Variants in NCBP3 observed in about 807,000 individuals in gnomAD.
NCBP3 encodes the protein nuclear cap-binding protein subunit 3.
A neutral mutation model predicts 75.7 loss-of-function variants in NCBP3; 20 were observed. The observed-to-expected ratio is 0.26, with a 90% confidence interval of 0.19 to 0.38. NCBP3 has a LOEUF of 0.38. Among genes scored for constraint, NCBP3 ranks in the 10% least tolerant of loss-of-function variants. NCBP3 has a pLI of 1.00. For synonymous variants in NCBP3, 293 were observed against 290.5 expected, an observed-to-expected ratio of 1.01 and a Z score of -0.09; for missense variants, 678 against 796.9, an observed-to-expected ratio of 0.85 and a Z score of 1.80.
chr17:3,818,558 G>A lies in NCBP3; in HGVS notation c.1015C>T (p.Pro339Ser). ...TCCTCCTCTTCAATGGGTTCCTCGGGAACATTCACTAGCCCTGAAGAAATT... is the reference window on the plus strand; with the variant it reads ...TCCTCCTCTTCAATGGGTTCCTCGGAAACATTCACTAGCCCTGAAGAAATT... The part of the protein sequence containing the change: ...KHRHSGLVNV[P>S]EEPIEEEEEE... Residue 339 changes from proline (P) to serine (S), a missense_variant, in exon 10 of 13, where the codon CCC becomes TCC. By Grantham distance (74) the Pro-to-Ser change is moderately conservative. Transcript: ENST00000389005. The surrounding 1 kb of genome is among the most constrained non-coding windows in gnomAD (Gnocchi z 4.7). The A allele has an allele frequency of 6.2e-7, 1 of 1,605,928 alleles. No homozygotes were observed. Among genetic ancestry groups the A allele is most frequent in the Non-Finnish European group, 8.5e-7 (1 of 1,179,066 alleles).
rs184352607 is a variant in NCBP3, at chr17:3,832,162, C to T, written c.356-2794G>A. ...TTGTGCCATTGCACTCCAGACTGGG[C>T]GACAGGGCAAGACTCCGTCGCAAAA... On this transcript the variant is annotated intron_variant, in intron 3 of 12. Transcript: ENST00000389005. Among the ~76,000 whole-genome samples, 511 of 84,968 alleles carry T rather than the reference C, an allele frequency of 6.0e-3. 31 individuals carry two copies. The highest frequency in any genetic ancestry group is 0.016 in the African/African-American group (484 of 29,406). The allele number at this position is 84,968 out of a possible 152,430, so 55.7% of individuals were successfully genotyped here.
intron 4 of NCBP3, among the ~76,000 whole-genome samples, chr17:3,827,286 G>GTAT (rs2053805728): frequency 6.6e-6 from 1 of 152,192 alleles, no homozygotes; most frequent in Admixed American, 6.5e-5. Flanking sequence ...CAATATGTAA[G>GTAT]TATTAGCAGT....
At chr17:3,845,822 C>T (rs1025636114) in intron 1 of NCBP3, among the ~76,000 whole-genome samples, 1 of 152,148 alleles carries the variant, frequency 6.6e-6, no homozygotes, top group African/African-American at 2.4e-5. Context: ...CCACCACCCC[C>T]CAGCCCCCTC....
At chr17:3,828,976 T>C (rs1409230686) in intron 4 of NCBP3, among the ~76,000 whole-genome samples, 2 of 151,754 alleles carry the variant, frequency 1.3e-5, no homozygotes, top group African/African-American at 2.4e-5. Flanking sequence ...CTCAATCAAC[T>C]ACGGCAGATT....
chr17:3,831,421 A>C (rs1344516860), intron 3 of NCBP3, among the ~76,000 whole-genome samples: 25 of 151,408 alleles, frequency 1.7e-4, no homozygotes, highest in Non-Finnish European at 1.5e-5. Context: ...AAATACAAGA[A>C]AATTAGCTGG....
chr17:3,818,639 A>G lies in NCBP3; in HGVS notation c.1001-67T>C. 1 of 1,508,648 alleles carries G rather than the reference A, an allele frequency of 6.6e-7. No homozygotes were observed. Among genetic ancestry groups the G allele is most frequent in the Non-Finnish European group, 8.8e-7 (1 of 1,132,234 alleles). 93.5% of individuals were successfully genotyped at this position (1,508,648 alleles called of 1,614,324 possible). On this transcript the variant is annotated intron_variant, in intron 9 of 12. Transcript: ENST00000389005. The surrounding 1 kb of genome is among the most constrained non-coding windows in gnomAD (Gnocchi z 4.7). The stretch of plus-strand genomic sequence containing the variant: ...ATTAACAAGTATGATTTTCTACTCT[A>G]CATCGGTGACCTTTTTAAAAGGTGG...
chr17:3,828,572 G>T (rs890479607), intron 4 of NCBP3, among the ~76,000 whole-genome samples: 1 of 152,124 alleles, frequency 6.6e-6, no homozygotes, highest in African/African-American at 2.4e-5. Flanking sequence ...AGCCAGACTA[G>T]AAGTAAGTCA....
At chr17:3,832,586 G>A (rs146826249) in intron 3 of NCBP3, among the ~76,000 whole-genome samples, 4,399 of 147,916 alleles carry the variant, frequency 0.03, 115 homozygotes, top group Non-Finnish European at 0.044. Context: ...AGCCGAGATC[G>A]CACGACTGCA....
At chr17:3,813,650 T>C (rs1431812278) in intron 12 of NCBP3, among the ~76,000 whole-genome samples, 5 of 152,240 alleles carry the variant, frequency 3.3e-5, no homozygotes, top group African/African-American at 1.2e-4. Context: ...ATCCCTTCCA[T>C]TAATTTTTGA....
intron 2 of NCBP3, among the ~76,000 whole-genome samples, 182 bp from the exon 3 acceptor site, chr17:3,840,387 T>C (rs2054043514): frequency 6.6e-6 from 1 of 152,198 alleles, no homozygotes; most frequent in Non-Finnish European, 1.5e-5. Context: ...GATATGTTAA[T>C]ATCGCTGTAA....
intron 1 of NCBP3, 37 bp from the exon 2 acceptor site, chr17:3,843,188 A>C (rs747766998): frequency 6.6e-7 from 1 of 1,515,852 alleles, no homozygotes; most frequent in South Asian, 1.2e-5. Context: ...TTCAGACAGC[A>C]ATTGAGGAAA....
At chr17:3,829,156 G>A in intron 4 of NCBP3, 87 bp downstream of exon 4, 1 of 1,442,020 alleles carries the variant, frequency 6.9e-7, no homozygotes, top group Non-Finnish European at 9.5e-7. Flanking sequence ...AGTAGTATGG[G>A]CCAGAACCAT....
Position 3,810,785 on chromosome 17 carries a change from A to G in NCBP3, c.*2259T>C, listed in dbSNP as rs915691615. 2 of 152,194 alleles carry G rather than the reference A, an allele frequency of 1.3e-5. No individual in the cohort carries two copies. Among genetic ancestry groups the G allele is most frequent in the African/African-American group, 4.8e-5 (2 of 41,450 alleles). The allele number at this position is 152,194 out of a possible 1,614,324, so 9.4% of individuals were successfully genotyped here. On this transcript the variant is annotated 3_prime_UTR_variant, in exon 13 of 13. Coordinates refer to ENST00000389005, the MANE Select transcript of NCBP3 (RefSeq NM_001114118.3). ...AGTGTGTATTTCTCTTGGTTACATC[A>G]AAGACCCAGTTTTGACTGCACACCA...
Position 3,822,006 on chromosome 17 carries a change from C to A in NCBP3, c.843G>T (p.Met281Ile), listed in dbSNP as rs1211243802. 6 of 1,613,238 alleles carry A rather than the reference C, an allele frequency of 3.7e-6. No homozygotes were observed. The highest frequency in any genetic ancestry group is 5.1e-6 in the Non-Finnish European group (6 of 1,179,702). Residue 281 changes from methionine (M) to isoleucine (I), a missense_variant, in exon 8 of 13, where the codon ATG becomes ATT. Around this residue, in one of 7 missense-constraint regions of NCBP3, gnomAD observed 38 missense variants for 78.9 expected, o/e 0.48. Coordinates refer to ENST00000389005, the MANE Select transcript of NCBP3 (RefSeq NM_001114118.3). ...LGAARRSQYY[M>I]KYGNPNYGGM... Reference sequence around the variant, plus strand: ...CTCCATAATTTGGATTCCCATATTTCATGTAATACTGACTTCTTCTGGCTG... The same window carrying A: ...CTCCATAATTTGGATTCCCATATTTAATGTAATACTGACTTCTTCTGGCTG...
In NCBP3 at chr17:3,811,636, C is replaced by T. The variant is rs556096313; in HGVS notation, c.*1408G>A. On this transcript the variant is annotated 3_prime_UTR_variant, in exon 13 of 13. Coordinates refer to ENST00000389005, the MANE Select transcript of NCBP3 (RefSeq NM_001114118.3). ...CTATCAATGTGACCATTAGCTCCGCCACAAGTAAAGATCGACAGGATCCAG... is the reference window on the plus strand; with the variant it reads ...CTATCAATGTGACCATTAGCTCCGCTACAAGTAAAGATCGACAGGATCCAG... 1 of 152,312 alleles carries T rather than the reference C, an allele frequency of 6.6e-6. No homozygotes were observed. Among genetic ancestry groups the T allele is most frequent in the Admixed American group, 6.5e-5 (1 of 15,302 alleles). 9.4% of individuals were successfully genotyped at this position (152,312 alleles called of 1,614,324 possible).
chr17:3,820,729 G>A (rs751639789), intron 9 of NCBP3, among the ~76,000 whole-genome samples: 2 of 152,150 alleles, frequency 1.3e-5, no homozygotes, highest in African/African-American at 2.4e-5. Flanking sequence ...TCAGGAGTTC[G>A]AGACCAGCCT....
At chr17:3,840,277 G>A (rs1051372233) in intron 2 of NCBP3, 72 bp from the exon 3 acceptor site, 1 of 1,229,138 alleles carries the variant, frequency 8.1e-7, no homozygotes, top group Non-Finnish European at 1.2e-6. Context: ...GCATCATGAT[G>A]CATCAGTGAC....
chr17:3,843,517 A>G (rs2054104131), intron 1 of NCBP3, among the ~76,000 whole-genome samples: 1 of 152,162 alleles, frequency 6.6e-6, no homozygotes. Flanking sequence ...CACATGTGTG[A>G]GTCATCACAA....
intron 7 of NCBP3, chr17:3,824,687 A>G (rs2053751912): frequency 8.6e-6 from 2 of 233,476 alleles, no homozygotes; most frequent in South Asian, 9.8e-5. Context: ...GGCTGAAAAT[A>G]TATGAGGCAA....
Sources: gnomAD v4.1 joint callset for allele counts (sites outside exome capture counted in the v4.1 genomes callset) on GRCh38, gnomAD v4.1.1 for gene constraint, gnomAD v4.1.1 regional missense constraint, Gnocchi (gnomAD v3.1) non-coding constraint, MANE v1.5 for transcripts, NCBI Gene and HGNC (gene_info 2026-07-23, HGNC 2026-07-21) for gene names.